SLFN12L: variants seen among roughly 807,000 people sequenced by gnomAD.
SLFN12L encodes schlafen family member 12 like.
SLFN12L carries 34 observed loss-of-function variants against 34.8 expected under a neutral mutation model. The observed-to-expected ratio is 0.98, with a 90% CI of 0.74 to 1.30. The LOEUF (loss-of-function observed/expected upper bound fraction) is 1.30. SLFN12L is among the 50% of genes most tolerant of loss of function. SLFN12L has a pLI of 0.00. For synonymous variants in SLFN12L, 259 were observed against 247.5 expected (o/e 1.05, Z -0.44); for missense variants, 703 against 696.2 (o/e 1.01, Z -0.11).
At chr17:35,536,890 G>A (rs190592146) in intron 1 of SLFN12L, among the ~76,000 whole-genome samples, 67 of 151,692 alleles carry the variant, frequency 4.4e-4, no homozygotes, top group African/African-American at 1.5e-3. Context: ...ATCTTCACAG[G>A]CGAGGCTGGG....
intron 2 of SLFN12L, among the ~76,000 whole-genome samples, chr17:35,509,449 C>A (rs1597866674): frequency 6.6e-6 from 1 of 152,078 alleles, no homozygotes; most frequent in East Asian, 1.9e-4. Context: ...TTCTTCTGTT[C>A]TGTTGTTGAG....
At chr17:35,528,590 G>A (rs528270475) in intron 1 of SLFN12L, among the ~76,000 whole-genome samples, 1 of 152,204 alleles carries the variant, frequency 6.6e-6, no homozygotes, top group Admixed American at 6.5e-5. Context: ...CAAGCAATGG[G>A]GAAAGGATTC....
At position 35,503,828 on chromosome 17, in the gene SLFN12L, G is replaced by A. The variant is rs117704340; in HGVS notation, c.86+18451C>T. Among the ~76,000 whole-genome samples, 2,891 of 151,554 alleles carry A rather than the reference G, an allele frequency of 0.019. 166 individuals carry two copies. The East Asian group carries it at 0.24, about 13-fold the overall frequency. ...TCAAAGGGTGGAAAGAAAAAAACTC[G>A]AGCCAGCCTGAGAAGGACCCTACCT... is the stretch of plus-strand genomic sequence containing the variant. On this transcript the variant is annotated intron_variant, in intron 2 of 4. Transcript: ENST00000628453.
intron 2 of SLFN12L, among the ~76,000 whole-genome samples, chr17:35,495,186 C>T (rs1915003145): frequency 6.6e-6 from 1 of 152,122 alleles, no homozygotes; most frequent in African/African-American, 2.4e-5. Flanking sequence ...AGGCATGAGC[C>T]ACCACGCCTG....
intron 1 of SLFN12L, among the ~76,000 whole-genome samples, chr17:35,527,374 T>C (rs1010933042): frequency 6.6e-6 from 1 of 152,070 alleles, no homozygotes; most frequent in Non-Finnish European, 1.5e-5. Context: ...GCCAGCATCA[T>C]CCTGATACCA....
chr17:35,514,588 A>G (rs1256720952), intron 2 of SLFN12L, among the ~76,000 whole-genome samples: 1 of 152,228 alleles, frequency 6.6e-6, no homozygotes, highest in Non-Finnish European at 1.5e-5. Flanking sequence ...CTATCAAAAT[A>G]TGCTTTTCAC....
chr17:35,518,161 AT>A (rs1163196168), intron 2 of SLFN12L, among the ~76,000 whole-genome samples: 2 of 152,358 alleles, frequency 1.3e-5, no homozygotes, highest in African/African-American at 4.8e-5. Flanking sequence ...AAGGTCTAAT[AT>A]CCAGGATCTA....
At chr17:35,521,870 T>C (rs1916006346) in intron 2 of SLFN12L, among the ~76,000 whole-genome samples, 1 of 152,070 alleles carries the variant, frequency 6.6e-6, no homozygotes, top group South Asian at 2.1e-4. Context: ...CAAGACTCTG[T>C]CTCAAGAAAA....
At chr17:35,504,767 T>C (rs1400482242) in intron 2 of SLFN12L, among the ~76,000 whole-genome samples, 1 of 152,222 alleles carries the variant, frequency 6.6e-6, no homozygotes, top group Non-Finnish European at 1.5e-5. Flanking sequence ...GGAGGAAACT[T>C]AGCCTTCTTT....
chr17:35,482,921 G>T (rs1016099389), intron 2 of SLFN12L, among the ~76,000 whole-genome samples: 2 of 152,110 alleles, frequency 1.3e-5, no homozygotes, highest in Non-Finnish European at 2.9e-5. Context: ...CCCCTCTGAG[G>T]TCCATAAAAG....
At chr17:35,530,183 G>A (rs1342667365) in intron 1 of SLFN12L, among the ~76,000 whole-genome samples, 3 of 140,332 alleles carry the variant, frequency 2.1e-5, no homozygotes, top group South Asian at 2.2e-4. Context: ...CCGTCTCTAC[G>A]AAAAATACAA....
intron 2 of SLFN12L, among the ~76,000 whole-genome samples, chr17:35,485,348 C>T (rs1914536027): frequency 6.6e-6 from 1 of 152,034 alleles, no homozygotes; most frequent in Middle Eastern, 3.4e-3. Context: ...CTGTTCATGC[C>T]CTTTGCACAT....
chr17:35,484,466 G>A (rs1914494320), intron 2 of SLFN12L, among the ~76,000 whole-genome samples: 1 of 152,170 alleles, frequency 6.6e-6, no homozygotes, highest in Non-Finnish European at 1.5e-5. Context: ...GTTCTGGAAT[G>A]CCCTCCTTGA....
chr17:35,526,802 G>T (rs1375792567), intron 1 of SLFN12L, among the ~76,000 whole-genome samples: 2 of 151,956 alleles, frequency 1.3e-5, no homozygotes, highest in Non-Finnish European at 2.9e-5. Flanking sequence ...AAAAGAACTA[G>T]AGAAGCGACA....
At chr17:35,528,482 G>T (rs2072359901) in intron 1 of SLFN12L, among the ~76,000 whole-genome samples, 1 of 152,136 alleles carries the variant, frequency 6.6e-6, no homozygotes, top group South Asian at 2.1e-4. Context: ...GCATGGTGCT[G>T]GTACCAAAAC....
At chr17:35,531,430 T>C (rs2072409980) in intron 1 of SLFN12L, among the ~76,000 whole-genome samples, 1 of 152,224 alleles carries the variant, frequency 6.6e-6, no homozygotes, top group Non-Finnish European at 1.5e-5. Flanking sequence ...AACTGTCTTC[T>C]TCTGTATTTT....
chr17:35,497,927 G>A (rs2142147223), intron 2 of SLFN12L, among the ~76,000 whole-genome samples: 1 of 152,308 alleles, frequency 6.6e-6, no homozygotes, highest in East Asian at 1.9e-4. Flanking sequence ...GCTCATGCCT[G>A]TAATCCCAGC....
rs1001728123 is a variant in SLFN12L at position 35,474,261 on chromosome 17, T to C, written c.*662A>G. ...AGATATTAGAGAACTATGTTTTCCA[T>C]GTCCATTGGATAAGAATGTCTGATA... On this transcript the variant is annotated 3_prime_UTR_variant, in exon 5 of 5. Transcript: ENST00000628453. The C allele has an allele frequency of 2.0e-5, 3 of 152,242 alleles. No individual in the cohort carries two copies. The highest frequency in any genetic ancestry group is 2.0e-4 in the Admixed American group (3 of 15,290). 9.4% of individuals were successfully genotyped at this position (152,242 alleles called of 1,614,324 possible).
Position 35,475,255 on chromosome 17 carries a change from T to C in SLFN12L, c.1507A>G (p.Met503Val). Residue 503 changes from methionine (M) to valine (V), a missense_variant, in exon 5 of 5, where the codon ATG becomes GTG. Physicochemically the swap from Met to Val is conservative, Grantham distance 21. Transcript: ENST00000628453. The stretch of plus-strand genomic sequence containing the variant: ...TCTTTAAACTCCTCATCCTGTACCA[T>C]GTGGAAGGTGTATAGGACTGGAGGC... Reference protein sequence around the residue: ...DKPPVLYTFHMVQDEEFKDYS... With the variant: ...DKPPVLYTFHVVQDEEFKDYS... The C allele has an allele frequency of 1.9e-6, 3 of 1,614,146 alleles. No individual in the cohort carries two copies. The highest frequency in any genetic ancestry group is 8.5e-7 in the Non-Finnish European group (1 of 1,180,028).
Sources: gnomAD v4.1 joint callset for allele counts (sites outside exome capture counted in the v4.1 genomes callset) on GRCh38, gnomAD v4.1.1 for gene constraint, MANE v1.5 for transcripts, NCBI Gene and HGNC (gene_info 2026-07-23, HGNC 2026-07-21) for gene names.